PEAK1: variants seen among roughly 807,000 people sequenced by gnomAD.
PEAK1 encodes the protein pseudopodium enriched atypical kinase 1.
Under a neutral mutation model 124.7 loss-of-function variants are expected in PEAK1, and 54 were observed. The ratio of observed to expected loss-of-function variants is 0.43; its 90% confidence interval spans 0.35 to 0.54. The LOEUF (loss-of-function observed/expected upper bound fraction) is 0.54. PEAK1 is among the 20% of genes least tolerant of loss of function. PEAK1 has a pLI of 0.01. For synonymous variants in PEAK1, 719 were observed against 760.0 expected (o/e 0.95, Z 0.89); for missense variants, 2,046 against 2,134.5 (o/e 0.96, Z 0.82).
At chr15:77,254,396 A>C (rs906045734) in intron 5 of PEAK1, among the ~76,000 whole-genome samples, 1 of 151,520 alleles carries the variant, frequency 6.6e-6, no homozygotes, top group Non-Finnish European at 1.5e-5. Context: ...CTTATTTTTT[A>C]TTTTCTAACC....
chr15:77,321,256 A>G lies in PEAK1; in HGVS notation c.-602-34752T>C, dbSNP rs1206036954. ...CCATACTGACTTCCACAATGGTTGA[A>G]CTAGTTTACAGTCCCACCAACAGTG... On this transcript the variant is annotated intron_variant, in intron 2 of 9. Coordinates refer to ENST00000682557, the MANE Select transcript of PEAK1 (RefSeq NM_001385026.1). Among the ~76,000 whole-genome samples the G allele has an allele frequency of 3.3e-5, 5 of 152,208 alleles. 1 individual carries two copies. Among genetic ancestry groups the G allele is most frequent in the African/African-American group, 1.2e-4 (5 of 41,450 alleles).
chr15:77,137,769 T>C (rs1164811119), intron 8 of PEAK1, among the ~76,000 whole-genome samples: 2 of 152,186 alleles, frequency 1.3e-5, no homozygotes, highest in Non-Finnish European at 2.9e-5. Flanking sequence ...GTTAAGACTT[T>C]AGGGGACTGT....
intron 2 of PEAK1, among the ~76,000 whole-genome samples, chr15:77,299,759 GC>G (rs2063693611): frequency 6.6e-6 from 1 of 152,196 alleles, no homozygotes; most frequent in Non-Finnish European, 1.5e-5. Flanking sequence ...GTTCCTCACT[GC>G]ATCCTATCAG....
intron 1 of PEAK1, among the ~76,000 whole-genome samples, chr15:77,414,366 T>C (rs1005515403): frequency 5.3e-5 from 8 of 151,430 alleles, no homozygotes; most frequent in African/African-American, 9.7e-5. Context: ...TGCACCACCA[T>C]GCCTAGCTAA....
intron 8 of PEAK1, among the ~76,000 whole-genome samples, chr15:77,143,249 T>C (rs1422576663): frequency 6.6e-6 from 1 of 152,174 alleles, no homozygotes; most frequent in East Asian, 1.9e-4. Context: ...TTCAGTTGCT[T>C]ACCTAGACCT....
At chr15:77,407,749 C>G (rs1044196620) in intron 1 of PEAK1, among the ~76,000 whole-genome samples, 1 of 152,106 alleles carries the variant, frequency 6.6e-6, no homozygotes, top group African/African-American at 2.4e-5. Flanking sequence ...GCAAATCCCA[C>G]TCCTGAGTAT....
At chr15:77,212,264 C>A (rs1374817056) in intron 6 of PEAK1, among the ~76,000 whole-genome samples, 2 of 152,048 alleles carry the variant, frequency 1.3e-5, no homozygotes, top group African/African-American at 4.8e-5. Context: ...TTTTAGTGGC[C>A]AAGGTTCTCT....
intron 6 of PEAK1, among the ~76,000 whole-genome samples, chr15:77,219,116 T>C (rs913019731): frequency 1.3e-5 from 2 of 152,078 alleles, no homozygotes; most frequent in African/African-American, 4.8e-5. Context: ...TAAATTAAGA[T>C]TAATATATGT....
rs1421688466 is a variant in PEAK1 at position 77,151,945 on chromosome 15, G to T, written c.3331+6558C>A. Among the ~76,000 whole-genome samples the T allele has an allele frequency of 2.0e-5, 3 of 151,982 alleles. No homozygotes were observed. In the East Asian group the frequency reaches 5.8e-4, roughly 29 times the overall value. On this transcript the variant is annotated intron_variant, in intron 8 of 9. Transcript: ENST00000682557. ...AGTAACCAAAAACCTTTGTTCTTTT[G>T]GCTTAGGATTGACTTGGCAATGCAG...
At chr15:77,271,847 G>A (rs926727345) in intron 5 of PEAK1, among the ~76,000 whole-genome samples, 2 of 152,048 alleles carry the variant, frequency 1.3e-5, no homozygotes, top group African/African-American at 4.8e-5. Flanking sequence ...GAGTTAATGG[G>A]TGCAGCACAC....
chr15:77,300,940 C>T (rs2063753993), intron 2 of PEAK1, among the ~76,000 whole-genome samples: 1 of 152,134 alleles, frequency 6.6e-6, no homozygotes, highest in Admixed American at 6.5e-5. Flanking sequence ...CAACCTCCGC[C>T]TTCCAGGTTC....
chr15:77,108,276 A>G lies in PEAK1; in HGVS notation c.*5880T>C, dbSNP rs377370712. ...CACTGCTGGCAGAGAGGACCTTTCAATGATAGATTTATACAACTTTACAAT... is the reference window on the plus strand; with the variant it reads ...CACTGCTGGCAGAGAGGACCTTTCAGTGATAGATTTATACAACTTTACAAT... On this transcript the variant is annotated 3_prime_UTR_variant, in exon 10 of 10. Coordinates refer to ENST00000682557, the MANE Select transcript of PEAK1 (RefSeq NM_001385026.1). 1 of 152,370 alleles carries G rather than the reference A, an allele frequency of 6.6e-6. No homozygotes were observed. Among genetic ancestry groups the G allele is most frequent in the East Asian group, 1.9e-4 (1 of 5,192 alleles). 9.4% of individuals were successfully genotyped at this position (152,370 alleles called of 1,614,324 possible).
intron 5 of PEAK1, among the ~76,000 whole-genome samples, chr15:77,252,937 G>C (rs141498609): frequency 6.6e-6 from 1 of 152,058 alleles, no homozygotes; most frequent in Non-Finnish European, 1.5e-5. Context: ...ATTGAAAGCA[G>C]GTATCTCCAA....
At position 77,195,371 on chromosome 15, in the gene PEAK1, G is replaced by A. The variant is rs542782979; in HGVS notation, c.-114-13331C>T. 7.2e-5 allele frequency among the ~76,000 whole-genome samples: 11 copies of A among 152,136 alleles called. No individual in the cohort carries two copies. The South Asian group carries it at 2.3e-3, about 32-fold the overall frequency. On this transcript the variant is annotated intron_variant, in intron 6 of 9. Transcript: ENST00000682557. Reference sequence around the variant, plus strand: ...TAGTGACTGGAAAACGATGAGGTGGGGAGGAGATGAGGAAGTGGGGAACAA... The same window carrying A: ...TAGTGACTGGAAAACGATGAGGTGGAGAGGAGATGAGGAAGTGGGGAACAA...
At chr15:77,394,401 C>T (rs1412044914) in intron 1 of PEAK1, among the ~76,000 whole-genome samples, 1 of 152,222 alleles carries the variant, frequency 6.6e-6, no homozygotes, top group African/African-American at 2.4e-5. Context: ...TTGTGTCACC[C>T]TCCTCCACTT....
rs571875813 is a variant in PEAK1, at chr15:77,303,758, C to G, written c.-602-17254G>C. Among the ~76,000 whole-genome samples the G allele has an allele frequency of 4.6e-5, 7 of 152,120 alleles. No individual in the cohort carries two copies. The South Asian group carries it at 1.0e-3, about 23-fold the overall frequency. On this transcript the variant is annotated intron_variant, in intron 2 of 9. Transcript: ENST00000682557. ...AAATTTTAACTAAGTCACAACTTAC[C>G]AATATTTTTCTTTCATGTATCATTC...
intron 6 of PEAK1, among the ~76,000 whole-genome samples, chr15:77,222,998 GTC>G (rs1192098089): frequency 2.0e-5 from 3 of 151,926 alleles, no homozygotes; most frequent in Non-Finnish European, 4.4e-5. Context: ...GAAATGCAGT[GTC>G]TCAGGCCCCA....
At chr15:77,228,057 T>C (rs978080487) in intron 6 of PEAK1, among the ~76,000 whole-genome samples, 5 of 152,022 alleles carry the variant, frequency 3.3e-5, no homozygotes, top group Non-Finnish European at 7.4e-5. Flanking sequence ...TCATAAATAT[T>C]TGTTGGACAC....
rs150591202 is a variant in PEAK1 at position 77,137,713 on chromosome 15, C to T, written c.3332-3963G>A. Among the ~76,000 whole-genome samples, 58 of 152,240 alleles carry T rather than the reference C, an allele frequency of 3.8e-4. 1 individual carries two copies. The highest frequency in any genetic ancestry group is 1.9e-3 in the South Asian group (9 of 4,824). ...TGGGTGGAAGGGACTTGCCTTGTCTCGGATGAGACTTTGGACTATGGACTT... is the reference window on the plus strand; with the variant it reads ...TGGGTGGAAGGGACTTGCCTTGTCTTGGATGAGACTTTGGACTATGGACTT... On this transcript the variant is annotated intron_variant, in intron 8 of 9. Transcript: ENST00000682557.
Sources: allele counts gnomAD v4.1 joint callset (sites outside exome capture counted in the v4.1 genomes callset), GRCh38; gene constraint gnomAD v4.1.1; transcripts MANE v1.5; gene names NCBI Gene and HGNC (gene_info 2026-07-23, HGNC 2026-07-21).